SCFD2: variants seen among roughly 807,000 people sequenced by gnomAD.
The protein encoded by SCFD2 is sec1 family domain-containing protein 2.
In SCFD2, 54 loss-of-function variants were observed where a neutral mutation model predicts 58.9. The ratio of observed to expected loss-of-function variants is 0.92; its 90% CI spans 0.74 to 1.15. SCFD2 has a LOEUF of 1.15. SCFD2 is among the 50% of genes most tolerant of loss of function. The pLI is 0.00. For synonymous variants in SCFD2, 321 were observed against 335.9 expected (o/e 0.96, Z 0.49); for missense variants, 805 against 836.6 (o/e 0.96, Z 0.47).
chr4:53,226,012 G>GA (rs1399781115), intron 4 of SCFD2, among the ~76,000 whole-genome samples: 2 of 152,012 alleles, frequency 1.3e-5, no homozygotes, highest in Admixed American at 1.3e-4. Flanking sequence ...GTATTGCCCA[G>GA]ATTGGTCTCA....
chr4:52,919,364 A>G (rs2109483832), intron 6 of SCFD2, among the ~76,000 whole-genome samples: 1 of 152,298 alleles, frequency 6.6e-6, no homozygotes, highest in Admixed American at 6.5e-5. Context: ...AGTATTTAAG[A>G]TTGCTGATTT....
At chr4:53,306,901 C>A (rs2149105169) in intron 3 of SCFD2, among the ~76,000 whole-genome samples, 1 of 152,260 alleles carries the variant, frequency 6.6e-6, no homozygotes, top group Non-Finnish European at 1.5e-5. Flanking sequence ...TTTTTGTGTG[C>A]AAATGAGTGT....
chr4:53,251,245 C>T (rs1366204501), intron 4 of SCFD2, among the ~76,000 whole-genome samples: 48 of 152,104 alleles, frequency 3.2e-4, no homozygotes, highest in Admixed American at 3.0e-3. Flanking sequence ...TAATCAATAG[C>T]TTACCAACCA....
At chr4:53,213,546 A>C (rs189395900) in intron 4 of SCFD2, among the ~76,000 whole-genome samples, 2 of 152,274 alleles carry the variant, frequency 1.3e-5, no homozygotes, top group East Asian at 3.9e-4. Context: ...CTGAAAGTAA[A>C]TTCAGGAATT....
chr4:53,019,464 C>T (rs1380185539), intron 5 of SCFD2, among the ~76,000 whole-genome samples: 6 of 152,100 alleles, frequency 3.9e-5, no homozygotes, highest in Non-Finnish European at 7.4e-5. Flanking sequence ...AAATGTTTAT[C>T]TTCATACTTT....
intron 4 of SCFD2, among the ~76,000 whole-genome samples, chr4:53,268,729 G>A (rs933081187): frequency 6.6e-6 from 1 of 152,110 alleles, no homozygotes; most frequent in Non-Finnish European, 1.5e-5. Flanking sequence ...CTCAACTGAG[G>A]TAGAAGAGCA....
At chr4:53,336,812 G>A (rs909924831) in intron 2 of SCFD2, among the ~76,000 whole-genome samples, 1 of 152,060 alleles carries the variant, frequency 6.6e-6, no homozygotes, top group Admixed American at 6.6e-5. Context: ...ACTGCACCCA[G>A]CCAGTTTTCT....
intron 4 of SCFD2, among the ~76,000 whole-genome samples, chr4:53,246,709 A>C (rs1730087512): frequency 6.6e-6 from 1 of 152,180 alleles, no homozygotes; most frequent in Admixed American, 6.5e-5. Flanking sequence ...TTAAGGACTT[A>C]ATTAATTGAA....
At chr4:53,273,666 T>C (rs145575273) in intron 4 of SCFD2, 160 bp downstream of exon 4, 33 of 629,020 alleles carry the variant, frequency 5.2e-5, no homozygotes, top group Non-Finnish European at 7.9e-5. Flanking sequence ...GTGAAAAAAG[T>C]TTCTACTTGA....
chr4:53,033,553 A>G (rs1409429347), intron 5 of SCFD2, among the ~76,000 whole-genome samples: 1 of 152,166 alleles, frequency 6.6e-6, no homozygotes, highest in East Asian at 1.9e-4. Context: ...AAAGAACAAC[A>G]AAATAGATAG....
chr4:53,306,014 G>A (rs186642911), intron 3 of SCFD2, among the ~76,000 whole-genome samples: 3 of 152,194 alleles, frequency 2.0e-5, no homozygotes, highest in Admixed American at 1.3e-4. Flanking sequence ...TATGTTAGGT[G>A]CAAAGAATAC....
intron 5 of SCFD2, among the ~76,000 whole-genome samples, chr4:53,008,894 A>C (rs1722036475): frequency 6.6e-6 from 1 of 152,098 alleles, no homozygotes; most frequent in Admixed American, 6.6e-5. Context: ...TTCAGCCAAA[A>C]CTTAAATGAG....
chr4:52,990,298 T>A (rs771073550), intron 5 of SCFD2, among the ~76,000 whole-genome samples: 1 of 152,254 alleles, frequency 6.6e-6, no homozygotes, highest in Non-Finnish European at 1.5e-5. Flanking sequence ...CTGAATGATA[T>A]TAATCTGTCT....
intron 5 of SCFD2, among the ~76,000 whole-genome samples, chr4:52,989,094 TA>T (rs1204966794): frequency 6.6e-6 from 1 of 152,224 alleles, no homozygotes; most frequent in Admixed American, 6.5e-5. Context: ...TATAAAGTTA[TA>T]ACATCAGGGA....
At chr4:53,200,133 AT>A (rs1032312640) in intron 4 of SCFD2, among the ~76,000 whole-genome samples, 1 of 152,146 alleles carries the variant, frequency 6.6e-6, no homozygotes, top group African/African-American at 2.4e-5. Flanking sequence ...GGACTTCAGC[AT>A]ACGGGTTTTG....
Position 53,366,049 on chromosome 4 carries a change from G to A in SCFD2, c.-108C>T. 2 of 1,336,550 alleles carry A rather than the reference G, an allele frequency of 1.5e-6. No homozygotes were observed. Among genetic ancestry groups the A allele is most frequent in the Non-Finnish European group, 2.0e-6 (2 of 990,790 alleles). The allele number at this position is 1,336,550 out of a possible 1,614,324, so 82.8% of individuals were successfully genotyped here. A position where few individuals can be genotyped will look rare whatever the true frequency, so the allele number is the denominator to read the frequency against. On this transcript the variant is annotated 5_prime_UTR_variant, in exon 1 of 9. It adds an upstream start codon to the 5' untranslated region. Coordinates refer to ENST00000401642, the MANE Select transcript of SCFD2 (RefSeq NM_152540.4). ...GACTTTGACAGTCTCCACAGTACAC[G>A]TGGTCGGCCTCTGACACGCTCCCTG... is the stretch of plus-strand genomic sequence containing the variant.
In SCFD2 at chr4:52,965,773, TAGA is replaced by T. The variant is rs1720949884; in HGVS notation, c.1562-44906_1562-44904del. On this transcript the variant is annotated intron_variant, in intron 5 of 8. Coordinates refer to ENST00000401642, the MANE Select transcript of SCFD2 (RefSeq NM_152540.4). ...GTTTCATTTGGCTTGACAGTTGTTA[TAGA>T]AGGAGCCTAGGAGCTCACAATTCAT... Among the ~76,000 whole-genome samples, 3 of 152,348 alleles carry T rather than the reference TAGA, an allele frequency of 2.0e-5. No individual in the cohort carries two copies. The South Asian group carries it at 6.2e-4, about 32-fold the overall frequency.
chr4:53,112,314 T>A (rs1725195592), intron 5 of SCFD2, among the ~76,000 whole-genome samples: 1 of 152,158 alleles, frequency 6.6e-6, no homozygotes, highest in Non-Finnish European at 1.5e-5. Context: ...CATCTTATAT[T>A]ACAAAAGACT....
intron 8 of SCFD2, among the ~76,000 whole-genome samples, chr4:52,875,128 A>G (rs1718441006): frequency 6.6e-6 from 1 of 152,206 alleles, no homozygotes; most frequent in East Asian, 1.9e-4. Flanking sequence ...TCAGGATCCC[A>G]GCGCAGACAG....
Sources: allele counts gnomAD v4.1 joint callset (sites outside exome capture counted in the v4.1 genomes callset), GRCh38; gene constraint gnomAD v4.1.1; transcripts MANE v1.5; gene names NCBI Gene and HGNC (gene_info 2026-07-23, HGNC 2026-07-21).